Variants in SPATS1 observed in about 807,000 individuals in gnomAD.
SPATS1 encodes spermatogenesis-associated serine-rich protein 1.
SPATS1 carries 23 observed loss-of-function variants against 33.6 expected under a neutral mutation model. That is an observed-to-expected ratio of 0.68 (90% CI 0.49 to 0.97). The LOEUF is 0.97. SPATS1 is among the 50% of genes least tolerant of loss of function. SPATS1 has a pLI of 0.00. For synonymous variants in SPATS1, 131 were observed against 125.6 expected (o/e 1.04, Z -0.29); for missense variants, 327 against 361.0 (o/e 0.91, Z 0.76).
intron 3 of SPATS1, among the ~76,000 whole-genome samples, chr6:44,357,942 T>C (rs1788688892): frequency 6.6e-6 from 1 of 152,194 alleles, no homozygotes; most frequent in Non-Finnish European, 1.5e-5. Flanking sequence ...GAATCTGGTC[T>C]GTCAGTGGCC....
chr6:44,369,880 C>CATAAAATAAA (rs56810338), intron 6 of SPATS1, among the ~76,000 whole-genome samples, 171 bp from the exon 7 acceptor site: 1,789 of 147,596 alleles, frequency 0.012, 27 homozygotes, highest in South Asian at 0.043. Context: ...TCAAAACATA[C>CATAAAATAAA]ATAAAATAAA....
intron 5 of SPATS1, among the ~76,000 whole-genome samples, chr6:44,366,129 T>TA (rs66541781): frequency 0.035 from 3,175 of 90,096 alleles, 49 homozygotes; most frequent in African/African-American, 0.066. Flanking sequence ...ATATATATAT[T>TA]TTTTTTTTTT....
intron 2 of SPATS1, among the ~76,000 whole-genome samples, chr6:44,348,903 G>T (rs1788065738): frequency 6.6e-6 from 1 of 152,220 alleles, no homozygotes; most frequent in Non-Finnish European, 1.5e-5. Context: ...GGCTGAGATG[G>T]GTGGGTGACC....
At chr6:44,357,749 T>C (rs1359034906) in intron 3 of SPATS1, among the ~76,000 whole-genome samples, 1 of 152,210 alleles carries the variant, frequency 6.6e-6, no homozygotes, top group Non-Finnish European at 1.5e-5. Context: ...GGTCTCGAAC[T>C]CCTGCCTACC....
chr6:44,342,868 G>T, intron 1 of SPATS1, 100 bp downstream of exon 1: 1 of 1,295,928 alleles, frequency 7.7e-7, no homozygotes, highest in Non-Finnish European at 1.1e-6. Flanking sequence ...CTGGATGGGG[G>T]CTGCAGCGAG....
At position 44,376,380 on chromosome 6, in the gene SPATS1, AAGGCCAACAGT is replaced by A. The variant is rs1201107504; in HGVS notation, c.782_792del (p.Lys261IlefsTer4). The A allele has an allele frequency of 6.2e-7, 1 of 1,612,984 alleles. No individual in the cohort carries two copies. Among genetic ancestry groups the A allele is most frequent in the Admixed American group, 1.7e-5 (1 of 59,922 alleles). On this transcript the variant is annotated frameshift_variant, in exon 8 of 9. Transcript: ENST00000674044. LOFTEE classifies it high-confidence loss of function. ...CAGCTTGCCTTTCTGGGTGAAGGAG[AAGGCCAACAGT>A]TTGAAAAATGAGATACAAGAGGTTG...
intron 2 of SPATS1, among the ~76,000 whole-genome samples, chr6:44,349,820 A>G (rs1280005042): frequency 6.6e-6 from 1 of 152,204 alleles, no homozygotes; most frequent in African/African-American, 2.4e-5. Flanking sequence ...ATTATTTAGA[A>G]GTGTGGTTTG....
At chr6:44,351,607 G>C (rs1442005686) in intron 2 of SPATS1, among the ~76,000 whole-genome samples, 1 of 152,062 alleles carries the variant, frequency 6.6e-6, no homozygotes, top group Non-Finnish European at 1.5e-5. Context: ...TATTTTTGTG[G>C]CTGGATGAGG....
intron 2 of SPATS1, among the ~76,000 whole-genome samples, chr6:44,349,581 C>T (rs1434846391): frequency 6.6e-6 from 1 of 152,056 alleles, no homozygotes; most frequent in Non-Finnish European, 1.5e-5. Context: ...GTGATAAAAG[C>T]ATGTATCATA....
intron 3 of SPATS1, among the ~76,000 whole-genome samples, chr6:44,358,614 A>T (rs1027850177): frequency 6.6e-6 from 1 of 152,192 alleles, no homozygotes; most frequent in African/African-American, 2.4e-5. Flanking sequence ...GATGGTTTTT[A>T]GTGTATTCAT....
At chr6:44,343,409 T>C (rs1169230779) in intron 2 of SPATS1, 175 bp downstream of exon 2, 1 of 753,968 alleles carries the variant, frequency 1.3e-6, no homozygotes, top group Non-Finnish European at 2.3e-6. Flanking sequence ...CAAGATTTGA[T>C]TAGGCAGAGA....
chr6:44,368,102 T>A (rs1300039727), intron 5 of SPATS1, among the ~76,000 whole-genome samples: 1 of 152,216 alleles, frequency 6.6e-6, no homozygotes, highest in African/African-American at 2.4e-5. Context: ...CAAAGAAACC[T>A]CTGATTCACC....
chr6:44,348,658 G>A (rs1242453648), intron 2 of SPATS1, among the ~76,000 whole-genome samples: 2 of 150,806 alleles, frequency 1.3e-5, no homozygotes, highest in Non-Finnish European at 2.9e-5. Flanking sequence ...CATGTAGAAC[G>A]TGTGTTCATA....
intron 7 of SPATS1, 114 bp downstream of exon 7, chr6:44,370,227 T>C: frequency 1.1e-6 from 1 of 945,384 alleles, no homozygotes; most frequent in Non-Finnish European, 1.6e-6. Context: ...CCCTTTTGAA[T>C]CCCAGCAGGA....
intron 2 of SPATS1, chr6:44,343,614 A>G: frequency 2.4e-6 from 1 of 412,802 alleles, no homozygotes; most frequent in Non-Finnish European, 4.8e-6. Context: ...GTGTCCTTTC[A>G]TCTTTCCTTT....
At chr6:44,349,822 T>C (rs1031221364) in intron 2 of SPATS1, among the ~76,000 whole-genome samples, 11 of 152,320 alleles carry the variant, frequency 7.2e-5, no homozygotes, top group Non-Finnish European at 1.3e-4. Flanking sequence ...TATTTAGAAG[T>C]GTGGTTTGAG....
At chr6:44,352,628 G>C in intron 2 of SPATS1, 98 bp from the exon 3 acceptor site, 1 of 1,070,558 alleles carries the variant, frequency 9.3e-7, no homozygotes, top group Non-Finnish European at 1.4e-6. Context: ...TTCAATAAAT[G>C]TTAGCTGTTT....
At chr6:44,362,401 G>A (rs1005743475) in intron 5 of SPATS1, among the ~76,000 whole-genome samples, 11 of 152,262 alleles carry the variant, frequency 7.2e-5, no homozygotes, top group African/African-American at 1.9e-4. Flanking sequence ...AGCCTGAAGT[G>A]CATGTTTTTA....
chr6:44,364,787 TC>T (rs1209899606), intron 5 of SPATS1, among the ~76,000 whole-genome samples: 2 of 145,208 alleles, frequency 1.4e-5, no homozygotes, highest in African/African-American at 2.8e-5. Context: ...TCTTTTCTTT[TC>T]TCTTTCTTTC....
Sources: gnomAD v4.1 joint callset for allele counts (sites outside exome capture counted in the v4.1 genomes callset) on GRCh38, gnomAD v4.1.1 for gene constraint, MANE v1.5 for transcripts, NCBI Gene and HGNC (gene_info 2026-07-23, HGNC 2026-07-21) for gene names.